Variants in LAMB3 observed in about 807,000 individuals in gnomAD.
LAMB3 encodes the protein laminin subunit beta 3.
Under a neutral mutation model 140.3 loss-of-function variants are expected in LAMB3, and 104 were observed. The observed-to-expected ratio is 0.74, with a 90% CI of 0.63 to 0.87. The LOEUF (loss-of-function observed/expected upper bound fraction) is 0.87, where lower values mean the gene tolerates loss of function less well. LAMB3 is among the 40% of genes least tolerant of loss of function. The pLI, the probability that LAMB3 is intolerant of heterozygous loss-of-function variation, is 0.00. For missense variants in LAMB3, 1,531 were observed against 1,575.2 expected, an observed-to-expected ratio of 0.97 and a Z score of 0.47; for synonymous variants, 592 against 602.9, an observed-to-expected ratio of 0.98 and a Z score of 0.26.
At position 209,623,791 on chromosome 1, in the gene LAMB3, A is replaced by C; in HGVS notation, c.2137+49T>G. On this transcript the variant is annotated intron_variant, in intron 15 of 22. Coordinates refer to ENST00000356082, the MANE Select transcript of LAMB3 (RefSeq NM_000228.3). This position sits in a 1 kb window ranked among gnomAD's most constrained non-coding sequence, Gnocchi z 4.2. ...AGGAGGGAGAGGGGGTGGCATGCCC[A>C]CCACGGCAGTGCCCATGCCCGGGGT... is the stretch of plus-strand genomic sequence containing the variant. 1 of 1,613,556 alleles carries C rather than the reference A, an allele frequency of 6.2e-7. No homozygotes were observed. The highest frequency in any genetic ancestry group is 8.5e-7 in the Non-Finnish European group (1 of 1,179,512).
At chr1:209,646,161 G>A (rs2076516104) in intron 3 of LAMB3, among the ~76,000 whole-genome samples, 1 of 152,202 alleles carries the variant, frequency 6.6e-6, no homozygotes, top group Non-Finnish European at 1.5e-5. Context: ...CAACACTGGA[G>A]GAGACATTGT....
Position 209,618,482 on chromosome 1 carries a change from CG to C in LAMB3, c.2878del (p.Arg960AlafsTer70). On this transcript the variant is annotated frameshift_variant, in exon 19 of 23. Transcript: ENST00000356082. LOFTEE classifies it high-confidence loss of function. ...TTCCTCAGCCTCAGCCTGCAACCGG[CG>C]GGCACGCGCAATGTCCTGCTTGGTC... is the stretch of plus-strand genomic sequence containing the variant. ...SQTKQDIARA[R>X]RLQAEAEEAR... 6.2e-7 allele frequency: 1 copy of C among 1,614,178 alleles called. No homozygotes were observed. Among genetic ancestry groups the C allele is most frequent in the Non-Finnish European group, 8.5e-7 (1 of 1,180,040 alleles).
At position 209,628,078 on chromosome 1, in the gene LAMB3, CG is replaced by C; in HGVS notation, c.1244del (p.Pro415ArgfsTer95). ...TGGCGTAGGTGAGTCCAGTGAAGCC[CG>C]GCTTGCATAGGTCACAGCGCTCTCC... ...VQGERCDLCK[P>X]GFTGLTYANP... is the part of the protein sequence containing the mutation. On this transcript the variant is annotated frameshift_variant, in exon 11 of 23. Coordinates refer to ENST00000356082, the MANE Select transcript of LAMB3 (RefSeq NM_000228.3). LOFTEE classifies it high-confidence loss of function. The C allele has an allele frequency of 6.2e-7, 1 of 1,606,710 alleles. No individual in the cohort carries two copies. Among genetic ancestry groups the C allele is most frequent in the South Asian group, 1.1e-5 (1 of 89,562 alleles).
chr1:209,643,251 T>A (rs548233633), intron 3 of LAMB3, among the ~76,000 whole-genome samples: 1 of 152,356 alleles, frequency 6.6e-6, no homozygotes, highest in East Asian at 1.9e-4. Context: ...GTGCACACAT[T>A]TGTAAGCGTC....
At chr1:209,639,300 T>C (rs909995468) in intron 3 of LAMB3, among the ~76,000 whole-genome samples, 14 of 152,162 alleles carry the variant, frequency 9.2e-5, no homozygotes, top group Admixed American at 9.2e-4. Context: ...GGAGTTACAA[T>C]AGGGAACAAA....
intron 3 of LAMB3, 37 bp downstream of exon 3, chr1:209,649,927 A>G: frequency 1.2e-6 from 2 of 1,613,066 alleles, no homozygotes; most frequent in Non-Finnish European, 1.7e-6. Flanking sequence ...CACCCCTCCC[A>G]TCCCGCCTTC....
intron 18 of LAMB3, 178 bp from the exon 19 acceptor site, chr1:209,618,837 G>C: frequency 1.5e-6 from 1 of 667,632 alleles, no homozygotes; most frequent in Non-Finnish European, 2.7e-6. Context: ...AGGGATTTCT[G>C]GGAATGCTGT....
chr1:209,628,452 C>T (rs1666558257), intron 10 of LAMB3, among the ~76,000 whole-genome samples: 1 of 152,144 alleles, frequency 6.6e-6, no homozygotes, highest in South Asian at 2.1e-4. Context: ...AATCCCAGCA[C>T]TTTGGGAGGC....
intron 18 of LAMB3, among the ~76,000 whole-genome samples, chr1:209,619,799 C>G (rs998681817): frequency 3.3e-5 from 5 of 152,220 alleles, no homozygotes; most frequent in Admixed American, 3.3e-4. Flanking sequence ...TAGCTGGTCA[C>G]ACAGGTCTCA....
Position 209,616,478 on chromosome 1 carries a change from C to T in LAMB3, c.3375G>A (p.Arg1125=), listed in dbSNP as rs1323479576. Residue 1125 remains arginine (R), a synonymous_variant, in exon 22 of 23, where the codon AGG becomes AGA. Transcript: ENST00000356082. ...CCTAAACCATTCCCTCACCTTTCAT[C>T]CTGTCCATCATCTCCATGGTCTCCC... ...LFGETMEMMD[R]MKDMELELLR... The T allele has an allele frequency of 6.2e-7, 1 of 1,614,174 alleles. No homozygotes were observed. Among genetic ancestry groups the T allele is most frequent in the Admixed American group, 1.7e-5 (1 of 60,020 alleles).
chr1:209,637,102 G>A (rs906837277), intron 5 of LAMB3, among the ~76,000 whole-genome samples: 2 of 152,216 alleles, frequency 1.3e-5, no homozygotes, highest in African/African-American at 4.8e-5. Flanking sequence ...CTTCAAAGTT[G>A]CCACCTTTAG....
At chr1:209,628,216 G>A (rs1387591056) in intron 10 of LAMB3, 26 bp from the exon 11 acceptor site, 4 of 1,551,310 alleles carry the variant, frequency 2.6e-6, no homozygotes, top group Middle Eastern at 1.7e-4. Flanking sequence ...AGCCACCGCA[G>A]TAGGAACAAA....
chr1:209,640,867 G>A (rs57696453), intron 3 of LAMB3, among the ~76,000 whole-genome samples: 50,847 of 151,746 alleles, frequency 0.34, 10,335 homozygotes, highest in Middle Eastern at 0.53. Context: ...GGATCACGAG[G>A]TCAGGAGATC....
chr1:209,614,970 C>G lies in LAMB3; in HGVS notation c.*301G>C, dbSNP rs1213307814. ...AGTTTTTGTGCTTGGTCCAGGATTC[C>G]TCCCCAGTGGAGAACTAAAGGCGGG... On this transcript the variant is annotated 3_prime_UTR_variant, in exon 23 of 23. Coordinates refer to ENST00000356082, the MANE Select transcript of LAMB3 (RefSeq NM_000228.3). 2.8e-6 allele frequency: 1 copy of G among 361,200 alleles called. No individual in the cohort carries two copies. The highest frequency in any genetic ancestry group is 5.0e-6 in the Non-Finnish European group (1 of 199,252). The allele number at this position is 361,200 out of a possible 1,614,324, so 22.4% of individuals were successfully genotyped here.
chr1:209,632,117 A>T (rs1666712984), intron 8 of LAMB3, among the ~76,000 whole-genome samples: 1 of 152,192 alleles, frequency 6.6e-6, no homozygotes, highest in South Asian at 2.1e-4. Flanking sequence ...TGTACTAAAC[A>T]TTGGTCTCTC....
chr1:209,629,742 C>G lies in LAMB3; in HGVS notation c.1127G>C (p.Cys376Ser), dbSNP rs1085307994. 1 of 1,614,036 alleles carries G rather than the reference C, an allele frequency of 6.2e-7. No individual in the cohort carries two copies. Among genetic ancestry groups the G allele is most frequent in the South Asian group, 1.1e-5 (1 of 91,076 alleles). The change falls in exon 10 of 23, where the codon TGC (cysteine) becomes TCC (serine). Residue 376 changes from cysteine to serine, a missense_variant. Cys to Ser is a moderately radical substitution (Grantham distance 112, BLOSUM62 -1). Transcript: ENST00000356082. ...RRPGASIQETCISCECDPDGA... is the reference protein window; with the variant it reads ...RRPGASIQETSISCECDPDGA... ...ACTCCGGAGCCTCTACTCACAGATG[C>G]AGGTCTCCTGAATGGAAGCTCCCGG...
In LAMB3 at chr1:209,635,650, G is replaced by A. The variant is rs549537943; in HGVS notation, c.373-1012C>T. ...ACTCCTGACCTCAAGTGATCCACCC[G>A]CCTCGGCCTCCCAACGTGCTGAGAT... On this transcript the variant is annotated intron_variant, in intron 5 of 22. Coordinates refer to ENST00000356082, the MANE Select transcript of LAMB3 (RefSeq NM_000228.3). Among the ~76,000 whole-genome samples, 137 of 152,196 alleles carry A rather than the reference G, an allele frequency of 9.0e-4. 1 individual carries two copies. Among genetic ancestry groups the A allele is most frequent in the Non-Finnish European group, 1.8e-4 (12 of 68,022 alleles).
At chr1:209,651,242 G>A (rs1301002252) in intron 1 of LAMB3, 13 of 465,880 alleles carry the variant, frequency 2.8e-5, no homozygotes, top group Non-Finnish European at 3.9e-5. Context: ...CCTCTAAAAT[G>A]GATGGGAAGG....
intron 5 of LAMB3, among the ~76,000 whole-genome samples, chr1:209,637,096 A>G (rs534059021): frequency 3.7e-4 from 57 of 152,374 alleles, no homozygotes; most frequent in African/African-American, 1.3e-3. Flanking sequence ...GCTGCCCTTC[A>G]AAGTTGCCAC....
Sources: allele counts gnomAD v4.1 joint callset (sites outside exome capture counted in the v4.1 genomes callset), GRCh38; gene constraint gnomAD v4.1.1; non-coding constraint Gnocchi (gnomAD v3.1); transcripts MANE v1.5; gene names NCBI Gene and HGNC (gene_info 2026-07-23, HGNC 2026-07-21).